The following ADGRL3 variants were observed in gnomAD, a reference collection of about 807,000 sequenced individuals.
ADGRL3 encodes calcium-independent alpha-latrotoxin receptor 3.
A neutral mutation model predicts 153.5 loss-of-function variants in ADGRL3; 62 were observed. That is an observed-to-expected ratio of 0.40 (90% CI 0.33 to 0.50). The LOEUF is 0.50. Among genes scored for constraint, ADGRL3 ranks in the 20% least tolerant of loss-of-function variants. The pLI is 0.47. For synonymous variants in ADGRL3, 710 were observed against 672.5 expected, an observed-to-expected ratio of 1.06 and a Z score of -0.86; for missense variants, 1,641 against 1,859.4, an observed-to-expected ratio of 0.88 and a Z score of 2.16.
intron 8 of ADGRL3, among the ~76,000 whole-genome samples, chr4:61,748,746 T>C (rs2096709315): frequency 6.6e-6 from 1 of 151,908 alleles, no homozygotes; most frequent in African/African-American, 2.4e-5. Flanking sequence ...AGACCTAAAA[T>C]CATAAAAACC....
At chr4:61,755,725 T>C (rs2096820424) in intron 8 of ADGRL3, among the ~76,000 whole-genome samples, 1 of 152,166 alleles carries the variant, frequency 6.6e-6, no homozygotes, top group Non-Finnish European at 1.5e-5. Flanking sequence ...ATTGTCTAGG[T>C]TTTATTCTAG....
chr4:61,935,050 TC>T, intron 14 of ADGRL3, 27 bp downstream of exon 14: 2 of 1,596,176 alleles, frequency 1.3e-6, no homozygotes, highest in Middle Eastern at 1.7e-4. Flanking sequence ...ATTCAGAAGG[TC>T]CAGACACTCT....
chr4:62,028,908 A>T (rs773524354), intron 22 of ADGRL3, 27 bp downstream of exon 22: 1 of 1,596,434 alleles, frequency 6.3e-7, no homozygotes, highest in South Asian at 1.1e-5. Flanking sequence ...TGGCTGATAA[A>T]TTCCGTTTAT....
At chr4:61,281,706 A>G (rs1010689846) in intron 1 of ADGRL3, among the ~76,000 whole-genome samples, 8 of 152,112 alleles carry the variant, frequency 5.3e-5, no homozygotes, top group African/African-American at 1.9e-4. Context: ...TAGATCCAGG[A>G]TGTTAGCTGG....
intron 19 of ADGRL3, among the ~76,000 whole-genome samples, chr4:61,993,289 C>CT (rs2099110082): frequency 1.8e-5 from 2 of 110,790 alleles, no homozygotes; most frequent in Admixed American, 1.9e-4. Flanking sequence ...TTCTTTCTTT[C>CT]CTTTTTTTTT....
rs1553925272 is a variant in ADGRL3 at position 61,421,206 on chromosome 4, C to CAT, written c.-174+38017_-174+38018insAT. Among the ~76,000 whole-genome samples, 1,266 of 152,158 alleles carry CAT rather than the reference C, an allele frequency of 8.3e-3. 27 individuals are homozygous for CAT. The highest frequency in any genetic ancestry group is 0.029 in the African/African-American group (1,190 of 41,510). On this transcript the variant is annotated intron_variant, in intron 2 of 26. Coordinates refer to ENST00000683033, the MANE Select transcript of ADGRL3 (RefSeq NM_001387552.1). ...AAAATTAGCTGGGCTTGGTGGCGGACGCCTGTAGTCCCAGCTACTTGGGAG... is the reference window on the plus strand; with the variant it reads ...AAAATTAGCTGGGCTTGGTGGCGGACATGCCTGTAGTCCCAGCTACTTGGGAG...
intron 9 of ADGRL3, among the ~76,000 whole-genome samples, chr4:61,818,450 G>A (rs1283876410): frequency 6.6e-6 from 1 of 152,144 alleles, no homozygotes; most frequent in Non-Finnish European, 1.5e-5. Context: ...CATGGTGCAA[G>A]CCATCAGTGG....
chr4:61,898,879 A>T (rs960582689), intron 11 of ADGRL3, among the ~76,000 whole-genome samples: 2 of 152,060 alleles, frequency 1.3e-5, no homozygotes, highest in Non-Finnish European at 2.9e-5. Flanking sequence ...AGCCTCCCAA[A>T]GTGCTAGGAT....
At chr4:61,403,077 G>A (rs549939654) in intron 2 of ADGRL3, among the ~76,000 whole-genome samples, 1 of 152,022 alleles carries the variant, frequency 6.6e-6, no homozygotes, top group Admixed American at 6.6e-5. Context: ...CAGGGAGCGG[G>A]AACTCTCTGG....
intron 2 of ADGRL3, among the ~76,000 whole-genome samples, chr4:61,436,851 G>A (rs917382189): frequency 3.3e-5 from 5 of 150,636 alleles, no homozygotes; most frequent in Non-Finnish European, 7.4e-5. Context: ...TATACAGAGA[G>A]CATTAGAATA....
chr4:62,013,614 G>A lies in ADGRL3; in HGVS notation c.3396-15241G>A, dbSNP rs79216358. The stretch of plus-strand genomic sequence containing the variant: ...TAACATGTCTTCAAAAAACGGCCGG[G>A]CATGGTGACTTATGCCTGTAATCCT... On this transcript the variant is annotated intron_variant, in intron 21 of 26. Coordinates refer to ENST00000683033, the MANE Select transcript of ADGRL3 (RefSeq NM_001387552.1). 1.1e-4 allele frequency among the ~76,000 whole-genome samples: 16 copies of A among 152,120 alleles called. No individual in the cohort carries two copies. In the East Asian group the frequency reaches 1.9e-3, roughly 18 times the overall value.
At chr4:62,007,437 T>TACACAC (rs1255702079) in intron 21 of ADGRL3, among the ~76,000 whole-genome samples, 12 of 130,064 alleles carry the variant, frequency 9.2e-5, no homozygotes, top group Non-Finnish European at 1.8e-4. Context: ...TATATATATA[T>TACACAC]ATACACACAC....
At chr4:61,474,631 CA>C (rs2098020399) in intron 2 of ADGRL3, among the ~76,000 whole-genome samples, 1 of 151,958 alleles carries the variant, frequency 6.6e-6, no homozygotes, top group African/African-American at 2.4e-5. Flanking sequence ...ACAAGAAAGA[CA>C]AATATGAGAA....
intron 4 of ADGRL3, among the ~76,000 whole-genome samples, chr4:61,518,403 A>G (rs2098510514): frequency 6.6e-6 from 1 of 152,124 alleles, no homozygotes. Context: ...TACACATATT[A>G]AGTAATACTA....
chr4:61,325,361 T>C (rs552577539), intron 1 of ADGRL3, among the ~76,000 whole-genome samples: 115 of 152,246 alleles, frequency 7.6e-4, no homozygotes, highest in African/African-American at 2.6e-3. Context: ...GTAGACAATT[T>C]ATAACATACA....
chr4:61,239,635 G>A (rs1754169344), intron 1 of ADGRL3, among the ~76,000 whole-genome samples: 1 of 151,984 alleles, frequency 6.6e-6, no homozygotes, highest in Admixed American at 6.6e-5. Context: ...GTAACAAAAT[G>A]AGTCAAGGTA....
At chr4:61,887,340 A>G (rs969003901) in intron 9 of ADGRL3, among the ~76,000 whole-genome samples, 1 of 152,200 alleles carries the variant, frequency 6.6e-6, no homozygotes, top group African/African-American at 2.4e-5. Context: ...TATATAATGC[A>G]TGAAATCATT....
intron 13 of ADGRL3, among the ~76,000 whole-genome samples, chr4:61,922,782 G>GT (rs1377264112): frequency 3.9e-5 from 6 of 152,172 alleles, no homozygotes; most frequent in Non-Finnish European, 8.8e-5. Context: ...TGAACACAGA[G>GT]TTTCTGTCTC....
At position 61,436,745 on chromosome 4, in the gene ADGRL3, G is replaced by GT. The variant is rs572108332; in HGVS notation, c.-174+53556_-174+53557insT. Among the ~76,000 whole-genome samples the GT allele has an allele frequency of 2.3e-4, 35 of 152,230 alleles. 1 individual carries two copies. In the South Asian group the frequency reaches 6.4e-3, roughly 28 times the overall value. The stretch of plus-strand genomic sequence containing the variant: ...GTAGAGCAGTCTCCTTGTAAATGTT[G>GT]AGGCCAATTTCCTGAAAATCATAGT... On this transcript the variant is annotated intron_variant, in intron 2 of 26. Transcript: ENST00000683033.
Sources: allele counts gnomAD v4.1 joint callset (sites outside exome capture counted in the v4.1 genomes callset), GRCh38; gene constraint gnomAD v4.1.1; transcripts MANE v1.5; gene names NCBI Gene and HGNC (gene_info 2026-07-23, HGNC 2026-07-21).